The following RCOR1 variants were observed in gnomAD, a reference collection of about 807,000 sequenced individuals.
RCOR1 encodes REST corepressor 1.
A neutral mutation model predicts 64.0 loss-of-function variants in RCOR1; 12 were observed. The ratio of observed to expected loss-of-function variants is 0.19; its 90% CI spans 0.12 to 0.30. The LOEUF (loss-of-function observed/expected upper bound fraction) is 0.30, where lower values mean the gene tolerates loss of function less well. Ranked by LOEUF, RCOR1 falls within the 10% of genes least tolerant of loss-of-function variation. The probability of loss-of-function intolerance (pLI) is 1.00; values close to 1 mark genes in which losing one functional copy is unlikely to be tolerated. For synonymous variants in RCOR1, 279 were observed against 227.2 expected (o/e 1.23, Z -2.05); for missense variants, 502 against 621.2 (o/e 0.81, Z 2.04).
At chr14:102,601,973 A>G (rs1181507820) in intron 2 of RCOR1, among the ~76,000 whole-genome samples, 1 of 152,072 alleles carries the variant, frequency 6.6e-6, no homozygotes, top group East Asian at 1.9e-4. Flanking sequence ...AGCCTGGCCA[A>G]CATGGCGAAA....
At chr14:102,675,254 C>G (rs1172100160) in intron 2 of RCOR1, among the ~76,000 whole-genome samples, 1 of 151,950 alleles carries the variant, frequency 6.6e-6, no homozygotes, top group Admixed American at 6.6e-5. Context: ...CAATACTCCT[C>G]CCTTATCCAT....
At chr14:102,607,798 C>G (rs532720275) in intron 2 of RCOR1, among the ~76,000 whole-genome samples, 1 of 152,010 alleles carries the variant, frequency 6.6e-6, no homozygotes, top group Non-Finnish European at 1.5e-5. Context: ...AGGAGAATCG[C>G]TTGAACCCGG....
At chr14:102,611,470 TG>T (rs1449431105) in intron 2 of RCOR1, among the ~76,000 whole-genome samples, 5 of 152,236 alleles carry the variant, frequency 3.3e-5, no homozygotes, top group African/African-American at 1.2e-4. Flanking sequence ...TTCCTCTTTT[TG>T]GGTTGTCTTT....
At chr14:102,623,211 C>T (rs1324143353) in intron 2 of RCOR1, among the ~76,000 whole-genome samples, 1 of 151,926 alleles carries the variant, frequency 6.6e-6, no homozygotes, top group Non-Finnish European at 1.5e-5. Flanking sequence ...TTCTATTTGA[C>T]CCACCTGTTC....
intron 2 of RCOR1, among the ~76,000 whole-genome samples, chr14:102,652,084 ATTTCTTAAAAG>A (rs1406966744): frequency 1.3e-5 from 2 of 152,128 alleles, no homozygotes; most frequent in Admixed American, 6.5e-5. Context: ...TTGTAACTGG[ATTTCTTAAAAG>A]TGTCCTTATG....
At chr14:102,643,090 G>GACCTCA (rs200315669) in intron 2 of RCOR1, among the ~76,000 whole-genome samples, 1,874 of 152,270 alleles carry the variant, frequency 0.012, 40 homozygotes, top group African/African-American at 0.043. Flanking sequence ...AGACCATCCT[G>GACCTCA]GCTAACACGG....
At chr14:102,721,413 G>A (rs374925891) in intron 10 of RCOR1, 36 bp downstream of exon 10, 40 of 1,501,496 alleles carry the variant, frequency 2.7e-5, no homozygotes, top group East Asian at 1.8e-4. Context: ...TTAGGAGGCC[G>A]GCTGTGGTGG....
intron 2 of RCOR1, among the ~76,000 whole-genome samples, chr14:102,678,209 AGAGAGGGAGACGAGAGG>A (rs919957379): frequency 6.9e-6 from 1 of 144,234 alleles, no homozygotes; most frequent in Non-Finnish European, 1.5e-5. Flanking sequence ...GACCGTGGAG[AGAGAGGGAGACGAGAGG>A]GAGAGGGAGA....
intron 2 of RCOR1, among the ~76,000 whole-genome samples, chr14:102,605,522 C>T (rs1305559513): frequency 1.3e-5 from 2 of 152,164 alleles, no homozygotes; most frequent in African/African-American, 4.8e-5. Context: ...TATAGTGCAA[C>T]AGCGTGTAGC....
intron 2 of RCOR1, among the ~76,000 whole-genome samples, chr14:102,634,965 C>T (rs1323988641): frequency 6.6e-6 from 1 of 151,552 alleles, no homozygotes; most frequent in African/African-American, 2.4e-5. Flanking sequence ...ACCTCGGCCT[C>T]CCAAAGTGAT....
Position 102,730,132 on chromosome 14 carries a change from C to T in RCOR1, c.*3626C>T, listed in dbSNP as rs1896343100. 1 of 398,234 alleles carries T rather than the reference C, an allele frequency of 2.5e-6. No homozygotes were observed. Among genetic ancestry groups the T allele is most frequent in the Non-Finnish European group, 4.4e-6 (1 of 225,988 alleles). 24.7% of individuals were successfully genotyped at this position (398,234 alleles called of 1,614,324 possible). On this transcript the variant is annotated 3_prime_UTR_variant, in exon 12 of 12. Coordinates refer to ENST00000262241, the MANE Select transcript of RCOR1 (RefSeq NM_015156.4). ...TGTGATGATGAGTGTTTACAGCCAC[C>T]TTCTCCTAAAACGAAATTTATACCG...
chr14:102,602,656 A>C (rs1470741297), intron 2 of RCOR1, among the ~76,000 whole-genome samples: 1 of 152,008 alleles, frequency 6.6e-6, no homozygotes, highest in Non-Finnish European at 1.5e-5. Context: ...GATCTCCCGC[A>C]TCGGCCTCCC....
chr14:102,647,250 A>G (rs906052387), intron 2 of RCOR1, among the ~76,000 whole-genome samples: 1 of 152,352 alleles, frequency 6.6e-6, no homozygotes, highest in African/African-American at 2.4e-5. Context: ...GAGAATCTGT[A>G]TGACACTAGA....
At chr14:102,701,629 G>A (rs1046312042) in intron 4 of RCOR1, among the ~76,000 whole-genome samples, 2 of 152,202 alleles carry the variant, frequency 1.3e-5, no homozygotes, top group African/African-American at 4.8e-5. Flanking sequence ...ATTTGAATAT[G>A]TGATTTGTTT....
intron 7 of RCOR1, among the ~76,000 whole-genome samples, chr14:102,713,313 C>T (rs1415048228): frequency 1.4e-4 from 20 of 144,498 alleles, no homozygotes; most frequent in Admixed American, 1.3e-3. Context: ...GGCTGGAGTG[C>T]AGTGGTGCAA....
chr14:102,594,303 G>C (rs1295477739), intron 2 of RCOR1, among the ~76,000 whole-genome samples: 1 of 152,306 alleles, frequency 6.6e-6, no homozygotes, highest in East Asian at 1.9e-4. Context: ...CTCCATGGTT[G>C]GAGGGCTTTA....
intron 8 of RCOR1, among the ~76,000 whole-genome samples, chr14:102,719,154 C>G (rs1896126281): frequency 6.6e-6 from 1 of 152,052 alleles, no homozygotes; most frequent in African/African-American, 2.4e-5. Flanking sequence ...GCGATCTCGG[C>G]TCACTGCAAC....
At chr14:102,659,550 A>G (rs1257830005) in intron 2 of RCOR1, among the ~76,000 whole-genome samples, 1 of 152,202 alleles carries the variant, frequency 6.6e-6, no homozygotes, top group Non-Finnish European at 1.5e-5. Flanking sequence ...GGGCTGGAAT[A>G]GGCATGGGGT....
intron 3 of RCOR1, among the ~76,000 whole-genome samples, chr14:102,693,297 T>G (rs1366319599): frequency 1.3e-5 from 2 of 152,158 alleles, no homozygotes; most frequent in Non-Finnish European, 1.5e-5. Context: ...GCGGGTTCCA[T>G]AAGGGCAGAG....
Sources: allele counts gnomAD v4.1 joint callset (sites outside exome capture counted in the v4.1 genomes callset), GRCh38; gene constraint gnomAD v4.1.1; transcripts MANE v1.5; gene names NCBI Gene and HGNC (gene_info 2026-07-23, HGNC 2026-07-21).